PHACTR1: variants seen among roughly 807,000 people sequenced by gnomAD.
The protein encoded by PHACTR1 is RPEL repeat containing 1.
A neutral mutation model predicts 69.2 loss-of-function variants in PHACTR1; 16 were observed. The observed-to-expected ratio is 0.23, with a 90% CI of 0.16 to 0.35. The LOEUF (loss-of-function observed/expected upper bound fraction) is 0.35, where lower values mean the gene tolerates loss of function less well. PHACTR1 is among the 10% of genes least tolerant of loss of function. The probability of loss-of-function intolerance (pLI) is 1.00; values close to 1 mark genes in which losing one functional copy is unlikely to be tolerated. For missense variants in PHACTR1, 510 were observed against 734.7 expected (o/e 0.69, Z 3.54); for synonymous variants, 312 against 284.5 (o/e 1.10, Z -0.97).
intron 7 of PHACTR1, among the ~76,000 whole-genome samples, chr6:13,201,103 C>T (rs1040489217): frequency 2.0e-5 from 3 of 152,142 alleles, no homozygotes; most frequent in Admixed American, 6.5e-5. Context: ...CCATCATTGC[C>T]CAGCCTCAGA....
At chr6:13,074,450 T>C (rs556644246) in intron 5 of PHACTR1, among the ~76,000 whole-genome samples, 3 of 152,290 alleles carry the variant, frequency 2.0e-5, no homozygotes, top group Non-Finnish European at 4.4e-5. Context: ...ATTTTTGGAA[T>C]ACAATGTGGC....
At chr6:13,159,427 G>A (rs1294499572) in intron 5 of PHACTR1, among the ~76,000 whole-genome samples, 1 of 152,188 alleles carries the variant, frequency 6.6e-6, no homozygotes, top group African/African-American at 2.4e-5. Context: ...CCTCAGTGAG[G>A]CATGATCTCT....
chr6:13,285,840 C>T (rs1781572804), intron 13 of PHACTR1, among the ~76,000 whole-genome samples: 1 of 152,080 alleles, frequency 6.6e-6, no homozygotes, highest in Non-Finnish European at 1.5e-5. Flanking sequence ...GTTCTTGGGC[C>T]CCCAGGAGTG....
Position 13,177,381 on chromosome 6 carries a change from CTA to C in PHACTR1, c.497-5127_497-5126del, listed in dbSNP as rs144616334. On this transcript the variant is annotated intron_variant, in intron 6 of 14. Coordinates refer to ENST00000332995, the MANE Select transcript of PHACTR1 (RefSeq NM_030948.6). ...TCTCTTGCGCTCTCTCTCTCTCTCT[CTA>C]TATATATATACACACACACACAGAC... 1.8e-3 allele frequency among the ~76,000 whole-genome samples: 261 copies of C among 147,886 alleles called. 1 individual carries two copies. The highest frequency in any genetic ancestry group is 1.5e-3 in the Non-Finnish European group (103 of 67,340).
chr6:12,801,515 CAG>C (rs1252472737), intron 4 of PHACTR1, among the ~76,000 whole-genome samples: 5 of 152,086 alleles, frequency 3.3e-5, no homozygotes, highest in Non-Finnish European at 1.5e-5. Context: ...TAAAAAAGAA[CAG>C]AATATTCTCA....
At chr6:12,765,370 C>T (rs1768481831) in intron 4 of PHACTR1, among the ~76,000 whole-genome samples, 1 of 152,190 alleles carries the variant, frequency 6.6e-6, no homozygotes, top group Non-Finnish European at 1.5e-5. Flanking sequence ...CAAGGGACAA[C>T]ATCTGCCTAA....
At chr6:13,054,302 G>A (rs183920680) in intron 5 of PHACTR1, among the ~76,000 whole-genome samples, 1 of 152,366 alleles carries the variant, frequency 6.6e-6, no homozygotes, top group East Asian at 1.9e-4. Context: ...GTAAGGGTGT[G>A]CAGAGGGAAA....
intron 4 of PHACTR1, among the ~76,000 whole-genome samples, chr6:12,980,245 T>A (rs1222427775): frequency 6.6e-6 from 1 of 152,202 alleles, no homozygotes; most frequent in Non-Finnish European, 1.5e-5. Context: ...TACGTGTGCA[T>A]GTGTGCACGT....
Position 13,275,384 on chromosome 6 carries a change from T to C in PHACTR1, c.1447+2469T>C, listed in dbSNP as rs2127459197. On this transcript the variant is annotated intron_variant, in intron 11 of 14. Transcript: ENST00000332995. The surrounding 1 kb of genome is among the most constrained non-coding windows in gnomAD (Gnocchi z 4.0). Reference sequence around the variant, plus strand: ...TTGGTACCTTCTGCCTGAAAATTCATGAACCTGGGTTGGTCAATGGCTTTG... The same window carrying C: ...TTGGTACCTTCTGCCTGAAAATTCACGAACCTGGGTTGGTCAATGGCTTTG... 1 of 152,452 alleles carries C rather than the reference T, an allele frequency of 6.6e-6. No homozygotes were observed. The highest frequency in any genetic ancestry group is 2.1e-4 in the South Asian group (1 of 4,834). 9.4% of individuals were successfully genotyped at this position (152,452 alleles called of 1,614,324 possible). A position where few individuals can be genotyped will look rare whatever the true frequency, so the allele number is the denominator to read the frequency against.
chr6:12,754,665 G>T (rs1300853619), intron 4 of PHACTR1, among the ~76,000 whole-genome samples: 1 of 152,198 alleles, frequency 6.6e-6, no homozygotes, highest in Non-Finnish European at 1.5e-5. Context: ...AAAGGTACAA[G>T]GAAGTAAGTA....
chr6:13,059,905 A>G (rs1420936181), intron 5 of PHACTR1, among the ~76,000 whole-genome samples: 1 of 152,140 alleles, frequency 6.6e-6, no homozygotes, highest in Non-Finnish European at 1.5e-5. Flanking sequence ...TATATATAAT[A>G]ATTAGAGTGA....
intron 7 of PHACTR1, among the ~76,000 whole-genome samples, chr6:13,197,431 CCTTT>C (rs1357043020): frequency 6.6e-6 from 1 of 152,124 alleles, no homozygotes; most frequent in African/African-American, 2.4e-5. Flanking sequence ...GGCAATACTC[CCTTT>C]CTACAGATGA....
At chr6:13,013,797 G>A (rs1186211982) in intron 4 of PHACTR1, among the ~76,000 whole-genome samples, 1 of 149,494 alleles carries the variant, frequency 6.7e-6, no homozygotes, top group Non-Finnish European at 1.5e-5. Context: ...CGGCGCGGGC[G>A]GGGCGGGGGC....
At chr6:12,845,362 G>C in intron 4 of PHACTR1, among the ~76,000 whole-genome samples, 1 of 149,420 alleles carries the variant, frequency 6.7e-6, no homozygotes, top group African/African-American at 2.5e-5. Context: ...TCCACTGCCA[G>C]GTGCTTGCTC....
chr6:13,118,904 T>C (rs986398643), intron 5 of PHACTR1, among the ~76,000 whole-genome samples: 1 of 152,160 alleles, frequency 6.6e-6, no homozygotes, highest in Non-Finnish European at 1.5e-5. Flanking sequence ...CTTGCGGTGC[T>C]CTGAGCCTCA....
chr6:13,206,594 G>A (rs1023246989), intron 8 of PHACTR1, among the ~76,000 whole-genome samples: 5 of 152,282 alleles, frequency 3.3e-5, no homozygotes, highest in African/African-American at 1.2e-4. Context: ...TGAAATAAAT[G>A]TGAGCTGTAC....
intron 5 of PHACTR1, among the ~76,000 whole-genome samples, chr6:13,076,973 T>C (rs866814305): frequency 4.9e-4 from 71 of 145,296 alleles, no homozygotes; most frequent in South Asian, 4.7e-3. Flanking sequence ...AGGGATAGCA[T>C]TGGGAGATCC....
chr6:12,827,088 C>T (rs942415105), intron 4 of PHACTR1, among the ~76,000 whole-genome samples: 1 of 152,180 alleles, frequency 6.6e-6, no homozygotes, highest in South Asian at 2.1e-4. Context: ...ATAGTCATTA[C>T]GCTATTGATT....
At chr6:12,853,692 G>A (rs770749024) in intron 4 of PHACTR1, among the ~76,000 whole-genome samples, 3 of 152,180 alleles carry the variant, frequency 2.0e-5, no homozygotes, top group Non-Finnish European at 2.9e-5. Context: ...ATGAGTACCC[G>A]GTGAAGGGGG....
Sources: gnomAD v4.1 joint callset for allele counts (sites outside exome capture counted in the v4.1 genomes callset) on GRCh38, gnomAD v4.1.1 for gene constraint, Gnocchi (gnomAD v3.1) non-coding constraint, MANE v1.5 for transcripts, NCBI Gene and HGNC (gene_info 2026-07-23, HGNC 2026-07-21) for gene names.